The following CEP76 variants were observed in gnomAD, a reference collection of about 807,000 sequenced individuals.
CEP76 encodes the protein centrosomal protein of 76 kDa.
A neutral mutation model predicts 83.3 loss-of-function variants in CEP76; 55 were observed. The ratio of observed to expected loss-of-function variants is 0.66; its 90% CI spans 0.53 to 0.83. The LOEUF (loss-of-function observed/expected upper bound fraction) is 0.83, where lower values mean the gene tolerates loss of function less well. Ranked by LOEUF, CEP76 falls within the 40% of genes least tolerant of loss-of-function variation. CEP76 has a pLI of 0.00. For synonymous variants in CEP76, 270 were observed against 274.5 expected (o/e 0.98, Z 0.16); for missense variants, 694 against 799.5 (o/e 0.87, Z 1.59).
At chr18:12,675,813 C>CA (rs1266192527) in intron 10 of CEP76, among the ~76,000 whole-genome samples, 1 of 152,000 alleles carries the variant, frequency 6.6e-6, no homozygotes, top group Non-Finnish European at 1.5e-5. Context: ...GGACTACAGA[C>CA]ACCTGCCACC....
downstream of CEP76, among the ~76,000 whole-genome samples, chr18:12,668,273 C>G (rs1006713113): frequency 6.7e-6 from 1 of 150,340 alleles, no homozygotes; most frequent in African/African-American, 2.5e-5. Flanking sequence ...CCTCCCCCAA[C>G]TCCTCCCACC....
rs2040114961 is a variant in CEP76 at position 12,700,526 on chromosome 18, T to C, written c.219+432A>G. On this transcript the variant is annotated intron_variant, in intron 2 of 11. Coordinates refer to ENST00000262127, the MANE Select transcript of CEP76 (RefSeq NM_024899.4). ...GTATTAAAAGATTTGAGGACTCTTA[T>C]GCAGTCAATTATTTTCTTAAAGAAA... is the stretch of plus-strand genomic sequence containing the variant. 2.0e-5 allele frequency among the ~76,000 whole-genome samples: 3 copies of C among 152,210 alleles called. No individual in the cohort carries two copies. In the South Asian group the frequency reaches 6.2e-4, roughly 32 times the overall value.
downstream of CEP76, among the ~76,000 whole-genome samples, chr18:12,672,119 T>C (rs540588732): frequency 4.8e-3 from 380 of 78,504 alleles, 2 homozygotes; most frequent in African/African-American, 0.013. Flanking sequence ...TGCCTGGCCC[T>C]TTTTTTTTTT....
rs983063638 is a variant in CEP76, at chr18:12,702,391, G to A, written c.63+95C>T. 8.6e-4 allele frequency: 806 copies of A among 934,110 alleles called. 5 individuals are homozygous for A. The highest frequency in any genetic ancestry group is 1.2e-3 in the Non-Finnish European group (696 of 582,362). 57.9% of individuals were successfully genotyped at this position (934,110 alleles called of 1,614,324 possible). A position where few individuals can be genotyped will look rare whatever the true frequency, so the allele number is the denominator to read the frequency against. On this transcript the variant is annotated intron_variant, in intron 1 of 11. Transcript: ENST00000262127. ...ACCCCACAATCCTCGCTACAGTCCCGGCAAGCAGATGCCGCTGTCGGCCCG... is the reference window on the plus strand; with the variant it reads ...ACCCCACAATCCTCGCTACAGTCCCAGCAAGCAGATGCCGCTGTCGGCCCG...
chr18:12,699,313 A>G (rs1279219560), intron 3 of CEP76, 110 bp from the exon 4 acceptor site: 3 of 622,878 alleles, frequency 4.8e-6, no homozygotes, highest in African/African-American at 3.8e-5. Flanking sequence ...ACCAAAGACT[A>G]AAAAAAAAGC....
chr18:12,687,257 G>C (rs2039570561), intron 7 of CEP76, among the ~76,000 whole-genome samples: 1 of 152,030 alleles, frequency 6.6e-6, no homozygotes, highest in Admixed American at 6.6e-5. Context: ...CCATCTGTTT[G>C]AATTATCAGA....
intron 2 of CEP76, chr18:12,700,180 CAACAAGGTTAAACTTTCTGTA>C (rs768758730): frequency 7.8e-5 from 18 of 229,728 alleles, no homozygotes; most frequent in Non-Finnish European, 1.4e-4. Flanking sequence ...TTAATACCTT[CAACAAGGTTAAACTTTCTGTA>C]AACCTTATGT....
At chr18:12,677,579 G>A (rs936564170) in intron 10 of CEP76, among the ~76,000 whole-genome samples, 5 of 151,884 alleles carry the variant, frequency 3.3e-5, no homozygotes, top group Non-Finnish European at 5.9e-5. Context: ...AACCAACCTG[G>A]GGAGAAAAAT....
intron 8 of CEP76, among the ~76,000 whole-genome samples, chr18:12,683,186 C>CAAAAAAAAAAAAAAAAAAAA (rs765652085): frequency 1.3e-4 from 8 of 63,660 alleles, no homozygotes; most frequent in African/African-American, 4.1e-4. Flanking sequence ...CTAAAAATAC[C>CAAAAAAAAAAAAAAAAAAAA]AAAAAAAAAA....
chr18:12,667,848 CTT>C (rs36019439), downstream of CEP76, among the ~76,000 whole-genome samples: 3,081 of 116,686 alleles, frequency 0.026, 50 homozygotes, highest in African/African-American at 0.05. Context: ...CTTTCTGATC[CTT>C]TTTTTTTTTT....
intron 12 of CEP76, among the ~76,000 whole-genome samples, chr18:12,667,125 A>G (rs778046787): frequency 6.6e-6 from 1 of 152,200 alleles, no homozygotes; most frequent in Non-Finnish European, 1.5e-5. Flanking sequence ...TATTGAAAAT[A>G]GTGATAAAAA....
intron 4 of CEP76, 100 bp from the exon 5 acceptor site, chr18:12,697,508 A>T: frequency 1.2e-6 from 1 of 813,804 alleles, no homozygotes; most frequent in East Asian, 2.9e-5. Flanking sequence ...AGCTTATATA[A>T]AACCAAAGAG....
Position 12,673,473 on chromosome 18 carries a change from G to A in CEP76, c.1872C>T (p.Cys624=). Residue 624 remains cysteine (C), a synonymous_variant, in exon 12 of 12, where the codon TGC becomes TGT. Coordinates refer to ENST00000262127, the MANE Select transcript of CEP76 (RefSeq NM_024899.4). ...CTGCCAGTCGCACTTGGTCTCCACG[G>A]CAACAGATTATTTCTTCACAGAAAG... The part of the protein sequence containing the change: ...RSPFCEEIIC[C]RGDQVRLAVR... 2.5e-6 allele frequency: 4 copies of A among 1,583,796 alleles called. No homozygotes were observed. The highest frequency in any genetic ancestry group is 1.4e-5 in the African/African-American group (1 of 72,402).
Position 12,678,226 on chromosome 18 carries a change from A to C in CEP76, c.1506T>G (p.Pro502=). 1 of 1,614,206 alleles carries C rather than the reference A, an allele frequency of 6.2e-7. No homozygotes were observed. The highest frequency in any genetic ancestry group is 1.1e-5 in the South Asian group (1 of 91,092). ...SEEAIKSVCA[P]GATTSLPPFP... ...AGGGAGGAAGGGATGTTGTAGCTCC[A>C]GGAGCACACACAGATTTAATTGCTT... Residue 502 remains proline (P), a synonymous_variant, in exon 10 of 12, where the codon CCT becomes CCG. Transcript: ENST00000262127.
rs759355365 is a variant in CEP76 at position 12,695,387 on chromosome 18, A to G, written c.707-36T>C. 4.9e-6 allele frequency: 5 copies of G among 1,020,694 alleles called. No homozygotes were observed. In the Admixed American group the frequency reaches 1.2e-4, roughly 25 times the overall value. The allele number at this position is 1,020,694 out of a possible 1,614,324, so 63.2% of individuals were successfully genotyped here. On this transcript the variant is annotated intron_variant, in intron 5 of 11. Transcript: ENST00000262127. ...AAATATTTTGAACTTCAGAGATTTCAATACTATATATATTTAGTCAACCAA... is the reference window on the plus strand; with the variant it reads ...AAATATTTTGAACTTCAGAGATTTCGATACTATATATATTTAGTCAACCAA...
chr18:12,681,467 C>G (rs1598628170), intron 8 of CEP76, among the ~76,000 whole-genome samples: 3 of 152,050 alleles, frequency 2.0e-5, no homozygotes, highest in Middle Eastern at 6.8e-3. Flanking sequence ...CCAGGCTGCT[C>G]TTGAACTCCT....
intron 4 of CEP76, 32 bp downstream of exon 4, chr18:12,698,947 C>A: frequency 7.1e-7 from 1 of 1,404,132 alleles, no homozygotes; most frequent in South Asian, 1.2e-5. Flanking sequence ...AAGATTTACT[C>A]AATTAAATGA....
intron 6 of CEP76, among the ~76,000 whole-genome samples, chr18:12,693,774 T>A (rs1174821699): frequency 6.6e-6 from 1 of 152,028 alleles, no homozygotes; most frequent in Non-Finnish European, 1.5e-5. Context: ...AGAGCGAGAC[T>A]CTGTCTGAAA....
chr18:12,702,054 A>C (rs2040171935), intron 1 of CEP76, among the ~76,000 whole-genome samples: 1 of 152,160 alleles, frequency 6.6e-6, no homozygotes, highest in Non-Finnish European at 1.5e-5. Flanking sequence ...TAAACCTGGG[A>C]GGCGGAGGTT....
Sources: gnomAD v4.1 joint callset for allele counts (sites outside exome capture counted in the v4.1 genomes callset) on GRCh38, gnomAD v4.1.1 for gene constraint, MANE v1.5 for transcripts, NCBI Gene and HGNC (gene_info 2026-07-23, HGNC 2026-07-21) for gene names.